The following CLECL1 variants were observed in gnomAD, a reference collection of about 807,000 sequenced individuals.
CLECL1 encodes the protein C-type lectin like 1.
chr12:9,712,664 A>C (rs957320678), downstream of CLECL1, among the ~76,000 whole-genome samples: 3 of 152,210 alleles, frequency 2.0e-5, no homozygotes, highest in Non-Finnish European at 4.4e-5. Flanking sequence ...TCCCCATTAA[A>C]TATGAGGTTA....
the CLECL1 span, among the ~76,000 whole-genome samples, chr12:9,705,700 A>G: frequency 6.6e-6 from 1 of 152,072 alleles, no homozygotes; most frequent in Non-Finnish European, 1.5e-5. Flanking sequence ...CAAAGATCAG[A>G]TGGTTGTAGG....
At chr12:9,714,535 T>C, downstream of CLECL1, among the ~76,000 whole-genome samples, 1 of 152,244 alleles carries the variant, frequency 6.6e-6, no homozygotes, top group East Asian at 1.9e-4. Context: ...TTCTGTGTAA[T>C]TGGAACTCCA....
intron 3 of CLECL1, among the ~76,000 whole-genome samples, chr12:9,723,277 T>C (rs1474055520): frequency 6.6e-6 from 1 of 152,250 alleles, no homozygotes; most frequent in Non-Finnish European, 1.5e-5. Flanking sequence ...GGTTCATCTC[T>C]ATTATCACAC....
chr12:9,730,576 TA>T (rs1345801933), intron 1 of CLECL1, among the ~76,000 whole-genome samples: 1 of 152,236 alleles, frequency 6.6e-6, no homozygotes, highest in Admixed American at 6.5e-5. Context: ...TTCAAAACAT[TA>T]AAAGAAGTCC....
At chr12:9,710,634 C>G in the CLECL1 span, among the ~76,000 whole-genome samples, 3 of 152,170 alleles carry the variant, frequency 2.0e-5, no homozygotes, top group Non-Finnish European at 4.4e-5. Flanking sequence ...GAGACCCTAG[C>G]AAGGCAGATA....
In CLECL1 at chr12:9,732,874, T is replaced by A. The variant is rs749063416; in HGVS notation, n.82+75A>T. ...AATCTCCTCTTTTCAGTTTGGCAAT[T>A]AGATACATAAGAAAGAAATAAAGGA... On this transcript the variant is annotated intron_variant and non_coding_transcript_variant, in intron 1 of 3. Transcript: ENST00000621400. 7.8e-5 allele frequency: 96 copies of A among 1,233,522 alleles called. 1 individual carries two copies. In the South Asian group the frequency reaches 1.5e-3, roughly 19 times the overall value. 76.4% of individuals were successfully genotyped at this position (1,233,522 alleles called of 1,614,324 possible). A position where few individuals can be genotyped will look rare whatever the true frequency, so the allele number is the denominator to read the frequency against.
At chr12:9,708,977 C>A in the CLECL1 span, 1 of 224,672 alleles carries the variant, frequency 4.5e-6, no homozygotes, top group South Asian at 7.5e-5. Flanking sequence ...AAAAACACCT[C>A]ATAGCCCTAC....
the CLECL1 span, among the ~76,000 whole-genome samples, chr12:9,707,038 T>G: frequency 6.6e-6 from 1 of 152,178 alleles, no homozygotes; most frequent in Non-Finnish European, 1.5e-5. Flanking sequence ...TCAGAACTCA[T>G]GGTTGGTCTT....
chr12:9,721,416 T>C (rs752314783), downstream of CLECL1, among the ~76,000 whole-genome samples: 8 of 152,254 alleles, frequency 5.3e-5, no homozygotes, highest in Non-Finnish European at 1.2e-4. Context: ...TCTTGTTTAT[T>C]CTTGAAAGGG....
downstream of CLECL1, among the ~76,000 whole-genome samples, chr12:9,713,683 C>T (rs763274583): frequency 1.3e-5 from 2 of 152,116 alleles, no homozygotes; most frequent in Admixed American, 6.5e-5. Flanking sequence ...TGCAATAGAT[C>T]GATAGTGATT....
At chr12:9,716,698 A>T in exon 3 of CLECL1, 1 of 976,362 alleles carries the variant, frequency 1.0e-6, no homozygotes, top group Non-Finnish European at 1.4e-6. Context: ...AGACAGACAT[A>T]TGGATGCCTG....
chr12:9,725,548 T>TA (rs35954981), intron 3 of CLECL1, among the ~76,000 whole-genome samples: 1 of 151,724 alleles, frequency 6.6e-6, no homozygotes, highest in Admixed American at 6.6e-5. Context: ...TCATAGAATA[T>TA]AAAAAAATAG....
chr12:9,711,156 C>T (rs183898667), downstream of CLECL1, among the ~76,000 whole-genome samples: 588 of 152,280 alleles, frequency 3.9e-3, 6 homozygotes, highest in African/African-American at 0.013. Flanking sequence ...ACAGCCTGCC[C>T]GCCTGTAAGC....
downstream of CLECL1, among the ~76,000 whole-genome samples, chr12:9,719,274 C>G (rs1486807256): frequency 1.3e-5 from 2 of 152,172 alleles, no homozygotes; most frequent in African/African-American, 4.8e-5. Flanking sequence ...CGCTTGTAAT[C>G]CCAGTACTTT....
chr12:9,721,799 T>C (rs112291880), downstream of CLECL1, among the ~76,000 whole-genome samples: 9 of 152,246 alleles, frequency 5.9e-5, no homozygotes, highest in African/African-American at 2.2e-4. Context: ...ATTCCATCCT[T>C]GATTTGGCTC....
chr12:9,713,564 A>G (rs1866213654), downstream of CLECL1, among the ~76,000 whole-genome samples: 2 of 152,244 alleles, frequency 1.3e-5, no homozygotes. Context: ...ATAAAACAAT[A>G]TAAAACAATA....
downstream of CLECL1, among the ~76,000 whole-genome samples, chr12:9,711,866 CTGACATTCCTACAATGATAGTTAATA>C (rs2121031469): frequency 6.6e-6 from 1 of 152,268 alleles, no homozygotes; most frequent in East Asian, 1.9e-4. Flanking sequence ...AACTGGATTC[CTGACATTCCTACAATGATAGTTAATA>C]GGCACTTTAC....
At chr12:9,731,568 A>G (rs1197735699) in intron 1 of CLECL1, among the ~76,000 whole-genome samples, 2 of 152,248 alleles carry the variant, frequency 1.3e-5, no homozygotes, top group South Asian at 2.1e-4. Context: ...CTTTCGCTTG[A>G]TGGCGAAGTG....
At chr12:9,721,806 G>T (rs934699358), downstream of CLECL1, among the ~76,000 whole-genome samples, 9 of 152,086 alleles carry the variant, frequency 5.9e-5, no homozygotes, top group Non-Finnish European at 2.9e-5. Flanking sequence ...CCTTGATTTG[G>T]CTCATAGTTT....
Sources: gnomAD v4.1 joint callset for allele counts (sites outside exome capture counted in the v4.1 genomes callset) on GRCh38, gnomAD v4.1.1 for gene constraint, MANE v1.5 for transcripts, NCBI Gene and HGNC (gene_info 2026-07-23, HGNC 2026-07-21) for gene names.